The following FCSK variants were observed in gnomAD, a reference collection of about 807,000 sequenced individuals.
FCSK encodes fucose kinase.
Under a neutral mutation model 122.5 loss-of-function variants are expected in FCSK, and 123 were observed. The ratio of observed to expected loss-of-function variants is 1.00; its 90% CI spans 0.87 to 1.17. The LOEUF (loss-of-function observed/expected upper bound fraction) is 1.17. FCSK is among the 50% of genes most tolerant of loss of function. The pLI is 0.00. For synonymous variants in FCSK, 620 were observed against 625.5 expected (o/e 0.99, Z 0.13); for missense variants, 1,366 against 1,450.4 (o/e 0.94, Z 0.95).
At chr16:70,467,037 C>A in intron 6 of FCSK, 83 bp downstream of exon 6, 2 of 1,302,322 alleles carry the variant, frequency 1.5e-6, no homozygotes, top group Non-Finnish European at 2.2e-6. Flanking sequence ...CCCACCCTGC[C>A]TCTGGGCCTG....
Position 70,475,645 on chromosome 16 carries a change from C to T in FCSK, c.2522-3C>T. ...TGTCTGCTCTCTCCTCTCCGCCCTG[C>T]AGGCACCAGCAGCATCCTGGCAGGC... On this transcript the variant is annotated splice_region_variant and splice_polypyrimidine_tract_variant and intron_variant, in intron 19 of 23. Coordinates refer to ENST00000288078, the MANE Select transcript of FCSK (RefSeq NM_145059.3). 6.3e-7 allele frequency: 1 copy of T among 1,590,092 alleles called. No homozygotes were observed. The highest frequency in any genetic ancestry group is 8.6e-7 in the Non-Finnish European group (1 of 1,166,272).
intron 13 of FCSK, among the ~76,000 whole-genome samples, chr16:70,472,326 T>C (rs940828855): frequency 2.0e-5 from 3 of 152,120 alleles, no homozygotes; most frequent in Non-Finnish European, 4.4e-5. Context: ...GCCTGTAATC[T>C]CAACACTCTG....
chr16:70,479,483 A>C, intron 23 of FCSK, 80 bp downstream of exon 23: 1 of 1,474,152 alleles, frequency 6.8e-7, no homozygotes, highest in Non-Finnish European at 9.3e-7. Context: ...ACCAGGGGCT[A>C]TATCTGTAAG....
At chr16:70,458,843 A>T (rs1304396831) in intron 1 of FCSK, among the ~76,000 whole-genome samples, 1 of 152,110 alleles carries the variant, frequency 6.6e-6, no homozygotes, top group Non-Finnish European at 1.5e-5. Context: ...TGCTTTACAT[A>T]TATTTCCTCC....
At position 70,479,562 on chromosome 16, in the gene FCSK, C is replaced by A. The variant is rs536591858; in HGVS notation, c.3154-17C>A. 6.8e-6 allele frequency: 11 copies of A among 1,608,974 alleles called. No homozygotes were observed. In the South Asian group the frequency reaches 1.1e-4, roughly 16 times the overall value. ...AGATTTGTCCAGAGCCTTCTAAATA[C>A]TTCCTGTCTTGTCCAGGGCCTTGGG... On this transcript the variant is annotated splice_polypyrimidine_tract_variant and intron_variant, in intron 23 of 23. Coordinates refer to ENST00000288078, the MANE Select transcript of FCSK (RefSeq NM_145059.3).
In FCSK at chr16:70,471,249, A is replaced by G. The variant is rs2048607316; in HGVS notation, c.1238A>G (p.His413Arg). The G allele has an allele frequency of 1.9e-6, 3 of 1,610,808 alleles. No homozygotes were observed. The highest frequency in any genetic ancestry group is 2.5e-6 in the Non-Finnish European group (3 of 1,179,220). The part of the protein sequence containing the change: ...GLDTAHSKAL[H>R]GRELRDLVLQ... ...GATACAGCCCACTCCAAGGCCCTGC[A>G]TGGCCGGGAGCTGCGTGACCTTGTC... The change falls in exon 13 of 24, where the codon CAT (histidine) becomes CGT (arginine). Residue 413 changes from histidine to arginine, a missense_variant. By Grantham distance (29) the His-to-Arg change is conservative (BLOSUM62 0). Coordinates refer to ENST00000288078, the MANE Select transcript of FCSK (RefSeq NM_145059.3).
chr16:70,467,750 C>A, intron 7 of FCSK, 136 bp from the exon 8 acceptor site: 1 of 737,382 alleles, frequency 1.4e-6, no homozygotes, highest in Non-Finnish European at 2.3e-6. Context: ...CAGGCCCCCC[C>A]TGAGAATGCC....
chr16:70,467,361 C>T lies in FCSK; in HGVS notation c.485-13C>T. 1 of 1,591,962 alleles carries T rather than the reference C, an allele frequency of 6.3e-7. No homozygotes were observed. Among genetic ancestry groups the T allele is most frequent in the Non-Finnish European group, 8.6e-7 (1 of 1,167,380 alleles). On this transcript the variant is annotated splice_polypyrimidine_tract_variant and intron_variant, in intron 6 of 23. Transcript: ENST00000288078. Reference sequence around the variant, plus strand: ...GAGGCCCCTGGGAGCCTCCTGACTGCCCCACCCCACAGGTATCAGCTGGGA... The same window carrying T: ...GAGGCCCCTGGGAGCCTCCTGACTGTCCCACCCCACAGGTATCAGCTGGGA...
chr16:70,458,097 A>C (rs976218451), intron 1 of FCSK: 1 of 150,598 alleles, frequency 6.6e-6, no homozygotes, highest in African/African-American at 2.4e-5. Context: ...AAATCACAGC[A>C]CCTTAACTGT....
rs932509383 is a variant in FCSK, at chr16:70,471,366, C to G, written c.1341+14C>G. On this transcript the variant is annotated intron_variant, in intron 13 of 23. Coordinates refer to ENST00000288078, the MANE Select transcript of FCSK (RefSeq NM_145059.3). ...GACAGCTGGGAGGTAGGCAGTCACCCTGCATTCCCTCACCCCCATCTTCAG... is the reference window on the plus strand; with the variant it reads ...GACAGCTGGGAGGTAGGCAGTCACCGTGCATTCCCTCACCCCCATCTTCAG... 1.3e-6 allele frequency: 2 copies of G among 1,552,706 alleles called. No homozygotes were observed. The highest frequency in any genetic ancestry group is 2.7e-5 in the African/African-American group (2 of 74,100).
At chr16:70,471,433 G>T in intron 13 of FCSK, 81 bp downstream of exon 13, 1 of 1,402,360 alleles carries the variant, frequency 7.1e-7, no homozygotes. Flanking sequence ...ACCCCACTGC[G>T]GGGTTCTCTG....
Position 70,463,742 on chromosome 16 carries a change from GCTGAACAC to G in FCSK, c.207_214del (p.His70CysfsTer30). On this transcript the variant is annotated frameshift_variant, in exon 3 of 24. Transcript: ENST00000288078. LOFTEE classifies it high-confidence loss of function. ...CACCCTCAACGCCCTGCTGGTGGCT[GCTGAACAC>G]CTGAGTGCCCGGGCAGGCTTCACTG... The G allele has an allele frequency of 6.2e-7, 1 of 1,612,176 alleles. No homozygotes were observed. Among genetic ancestry groups the G allele is most frequent in the Non-Finnish European group, 8.5e-7 (1 of 1,179,862 alleles).
At chr16:70,466,377 T>A in intron 5 of FCSK, 120 bp downstream of exon 5, 2 of 1,238,498 alleles carry the variant, frequency 1.6e-6, no homozygotes, top group Non-Finnish European at 2.2e-6. Context: ...TGAGGGTGCC[T>A]AATGTTAGTT....
At chr16:70,475,583 G>A (rs1410503993) in intron 19 of FCSK, 65 bp from the exon 20 acceptor site, 17 of 1,578,872 alleles carry the variant, frequency 1.1e-5, no homozygotes, top group East Asian at 4.5e-5. Context: ...GCCCTTAGAC[G>A]GAGTCAGGCA....
rs368485848 is a variant in FCSK at position 70,475,438 on chromosome 16, C to T, written c.2466C>T (p.Phe822=). 6.0e-5 allele frequency: 96 copies of T among 1,607,576 alleles called. No individual in the cohort carries two copies. The African/African-American group carries it at 6.4e-4, about 11-fold the overall frequency. Residue 822 remains phenylalanine, a synonymous_variant, in exon 19 of 24, where the codon TTC becomes TTT. Transcript: ENST00000288078. ...TGAGTGAGCAGCTGCTCCGCACCTT[C>T]GGGGGCGGCTTTGAGCTGCACACCT... is the stretch of plus-strand genomic sequence containing the variant. ...LQLSEQLLRT[F]GGGFELHTWS...
intron 1 of FCSK, among the ~76,000 whole-genome samples, chr16:70,455,947 C>G (rs2048082520): frequency 6.6e-6 from 1 of 150,904 alleles, no homozygotes; most frequent in Non-Finnish European, 1.5e-5. Context: ...CTTAGGAAGG[C>G]CAAGGCGGGA....
chr16:70,475,479 A>G lies in FCSK; in HGVS notation c.2507A>G (p.His836Arg). 1 of 1,603,906 alleles carries G rather than the reference A, an allele frequency of 6.2e-7. No individual in the cohort carries two copies. Among genetic ancestry groups the G allele is most frequent in the Non-Finnish European group, 8.5e-7 (1 of 1,178,650 alleles). ...CTGCACACCTGGTCTGAGCTGCCCC[A>G]CGGCTCTGGCCTGGGTGAGCGGGCC... Reference protein sequence around the residue: ...FELHTWSELPHGSGLGTSSIL... With the variant: ...FELHTWSELPRGSGLGTSSIL... Residue 836 changes from histidine (H) to arginine (R), a missense_variant, in exon 19 of 24, where the codon CAC becomes CGC. By Grantham distance (29) the His-to-Arg change is conservative (BLOSUM62 0). Coordinates refer to ENST00000288078, the MANE Select transcript of FCSK (RefSeq NM_145059.3).
Position 70,469,177 on chromosome 16 carries a change from A to T in FCSK, c.809A>T (p.His270Leu). 6.2e-7 allele frequency: 1 copy of T among 1,613,874 alleles called. No homozygotes were observed. The highest frequency in any genetic ancestry group is 8.5e-7 in the Non-Finnish European group (1 of 1,179,932). The change falls in exon 10 of 24, where the codon CAC (histidine) becomes CTC (leucine). Residue 270 changes from histidine (H) to leucine (L), a missense_variant. Transcript: ENST00000288078. Reference sequence around the variant, plus strand: ...CTGTCTCTGTTTTTTGACATTCTCCACTGCATGGCTGAGAACGTGACCAGG... The same window carrying T: ...CTGTCTCTGTTTTTTGACATTCTCCTCTGCATGGCTGAGAACGTGACCAGG... Reference protein sequence around the residue: ...VQLSLFFDILHCMAENVTRED... With the variant: ...VQLSLFFDILLCMAENVTRED...
rs2048777000 is a variant in FCSK, at chr16:70,475,469, G to A, written c.2497G>A (p.Glu833Lys). Residue 833 changes from glutamate to lysine, a missense_variant, in exon 19 of 24, where the codon GAG (glutamate) becomes AAG (lysine). Physicochemically the swap from Glu to Lys is moderately conservative, Grantham distance 56. Coordinates refer to ENST00000288078, the MANE Select transcript of FCSK (RefSeq NM_145059.3). ...CGGCTTTGAGCTGCACACCTGGTCT[G>A]AGCTGCCCCACGGCTCTGGCCTGGG... ...GGGFELHTWS[E>K]LPHGSGLGTS... The A allele has an allele frequency of 2.5e-6, 4 of 1,604,856 alleles. No individual in the cohort carries two copies. In the African/African-American group the frequency reaches 4.0e-5, roughly 16 times the overall value.
Sources: gnomAD v4.1 joint callset for allele counts (sites outside exome capture counted in the v4.1 genomes callset) on GRCh38, gnomAD v4.1.1 for gene constraint, MANE v1.5 for transcripts, NCBI Gene and HGNC (gene_info 2026-07-23, HGNC 2026-07-21) for gene names.